Variants in AFAP1L1 observed in about 807,000 individuals in gnomAD.
AFAP1L1 encodes the protein actin filament-associated protein 1-like 1.
AFAP1L1 carries 77 observed loss-of-function variants against 99.8 expected under a neutral mutation model. The observed-to-expected ratio is 0.77, with a 90% confidence interval of 0.64 to 0.93. AFAP1L1 has a LOEUF of 0.93. Among genes scored for constraint, AFAP1L1 ranks in the 40% least tolerant of loss-of-function variants. The pLI is 0.00. For synonymous variants in AFAP1L1, 373 were observed against 395.3 expected (o/e 0.94, Z 0.67); for missense variants, 893 against 996.8 (o/e 0.90, Z 1.40).
chr5:149,291,377 C>T (rs1755848616), intron 1 of AFAP1L1, among the ~76,000 whole-genome samples: 1 of 151,490 alleles, frequency 6.6e-6, no homozygotes, highest in South Asian at 2.1e-4. Context: ...AAATACAAAA[C>T]TTAGTTGGGC....
Position 149,301,151 on chromosome 5 carries a change from T to A in AFAP1L1, c.248T>A (p.Leu83His), listed in dbSNP as rs1475004663. The A allele has an allele frequency of 1.2e-6, 2 of 1,613,892 alleles. No individual in the cohort carries two copies. The highest frequency in any genetic ancestry group is 2.7e-5 in the African/African-American group (2 of 74,916). ...FEEFDCDLSDLRDMPEDDGEP... is the reference protein window; with the variant it reads ...FEEFDCDLSDHRDMPEDDGEP... Reference sequence around the variant, plus strand: ...TCTGTAGACTGTGACCTGAGTGACCTTCGGGACATGCCAGAGGATGATGGG... The same window carrying A: ...TCTGTAGACTGTGACCTGAGTGACCATCGGGACATGCCAGAGGATGATGGG... The change falls in exon 4 of 19, where the codon CTT (leucine) becomes CAT (histidine). Residue 83 changes from leucine (L) to histidine (H), a missense_variant. Coordinates refer to ENST00000296721, the MANE Select transcript of AFAP1L1 (RefSeq NM_152406.4).
chr5:149,318,877 C>T (rs141571915), intron 12 of AFAP1L1, among the ~76,000 whole-genome samples: 1 of 152,218 alleles, frequency 6.6e-6, no homozygotes, highest in African/African-American at 2.4e-5. Flanking sequence ...GTCCTAGAAT[C>T]TGACCTCTTG....
At chr5:149,332,222 C>A (rs1372599906) in intron 16 of AFAP1L1, among the ~76,000 whole-genome samples, 4 of 152,164 alleles carry the variant, frequency 2.6e-5, no homozygotes, top group Non-Finnish European at 5.9e-5. Flanking sequence ...CATGGCAAAA[C>A]CCCATCTCTA....
Position 149,310,110 on chromosome 5 carries a change from G to T in AFAP1L1, c.902G>T (p.Arg301Leu). 2 of 1,609,566 alleles carry T rather than the reference G, an allele frequency of 1.2e-6. No individual in the cohort carries two copies. Among genetic ancestry groups the T allele is most frequent in the African/African-American group, 1.3e-5 (1 of 74,974 alleles). ...TEVLVLALQS[R>L]EQAEEWLKVI... ...GTCTTGGTGCTGGCACTGCAGAGCC[G>T]AGAGCAGGCCGAGGAGTGGCTGAAG... Residue 301 changes from arginine to leucine, a missense_variant, in exon 8 of 19, where the codon CGA (arginine) becomes CTA (leucine). By Grantham distance (102) the Arg-to-Leu change is moderately radical. Transcript: ENST00000296721.
At chr5:149,287,906 G>A (rs76471671) in intron 1 of AFAP1L1, among the ~76,000 whole-genome samples, 2 of 152,084 alleles carry the variant, frequency 1.3e-5, no homozygotes, top group Non-Finnish European at 2.9e-5. Context: ...TTTAAAAGAA[G>A]TAAAAGTGTA....
intron 1 of AFAP1L1, among the ~76,000 whole-genome samples, chr5:149,281,323 A>G (rs925973349): frequency 1.3e-5 from 2 of 152,062 alleles, no homozygotes; most frequent in African/African-American, 2.4e-5. Context: ...TCCCCATTGG[A>G]CAGATGCAAT....
intron 1 of AFAP1L1, among the ~76,000 whole-genome samples, chr5:149,289,260 G>A (rs1248000735): frequency 1.3e-5 from 2 of 152,144 alleles, no homozygotes; most frequent in African/African-American, 4.8e-5. Flanking sequence ...GAATGCTTTT[G>A]TGTTTCTATC....
intron 1 of AFAP1L1, among the ~76,000 whole-genome samples, chr5:149,292,820 A>C (rs1392362951): frequency 6.6e-6 from 1 of 152,242 alleles, no homozygotes; most frequent in Non-Finnish European, 1.5e-5. Flanking sequence ...GAGCAAAGAC[A>C]GGAGATGGGG....
At chr5:149,314,263 G>A (rs555843149) in intron 9 of AFAP1L1, among the ~76,000 whole-genome samples, 11 of 152,302 alleles carry the variant, frequency 7.2e-5, no homozygotes, top group African/African-American at 1.7e-4. Context: ...GGAAAGCAGC[G>A]TTGACAGTGT....
intron 17 of AFAP1L1, among the ~76,000 whole-genome samples, chr5:149,333,493 G>C (rs1757316163): frequency 6.6e-6 from 1 of 152,174 alleles, no homozygotes; most frequent in South Asian, 2.1e-4. Context: ...TGTCCTCAGG[G>C]CTCTGCATCC....
intron 1 of AFAP1L1, among the ~76,000 whole-genome samples, chr5:149,282,516 T>G (rs917839080): frequency 6.6e-5 from 10 of 152,176 alleles, no homozygotes; most frequent in African/African-American, 2.4e-4. Context: ...GGTTGAAGTA[T>G]TAGAGTGCAG....
intron 1 of AFAP1L1, among the ~76,000 whole-genome samples, chr5:149,291,202 G>A (rs1161888495): frequency 2.0e-5 from 3 of 152,094 alleles, no homozygotes; most frequent in Non-Finnish European, 4.4e-5. Context: ...GTTGAGAGGT[G>A]AGGAACAGAG....
At chr5:149,272,128 G>A in intron 1 of AFAP1L1, 144 bp downstream of exon 1, 1 of 915,776 alleles carries the variant, frequency 1.1e-6, no homozygotes, top group Non-Finnish European at 1.4e-6. Flanking sequence ...GGGAGACGCG[G>A]CGCTTATGCA....
At chr5:149,339,212 G>A (rs1486200699) in intron 18 of AFAP1L1, among the ~76,000 whole-genome samples, 1 of 126,026 alleles carries the variant, frequency 7.9e-6, no homozygotes, top group Non-Finnish European at 1.6e-5. Flanking sequence ...ACGGAGTCTC[G>A]CTCTGTCACC....
chr5:149,311,370 TG>T (rs2127597289), intron 8 of AFAP1L1, among the ~76,000 whole-genome samples: 1 of 152,346 alleles, frequency 6.6e-6, no homozygotes, highest in South Asian at 2.1e-4. Flanking sequence ...ACATTGATCC[TG>T]GGCGGCCGTT....
intron 15 of AFAP1L1, among the ~76,000 whole-genome samples, chr5:149,327,236 A>G (rs1757121553): frequency 6.6e-6 from 1 of 151,856 alleles, no homozygotes; most frequent in Non-Finnish European, 1.5e-5. Context: ...CAGTGTATTA[A>G]CAGATAGTCT....
chr5:149,331,790 G>A lies in AFAP1L1; in HGVS notation c.1976-905G>A, dbSNP rs11951656. ...GAGCGATCTGGTGTAGTGGGGTCCA[G>A]GGACTTAAATGATGTCACCAGGAAG... is the stretch of plus-strand genomic sequence containing the variant. On this transcript the variant is annotated intron_variant, in intron 16 of 18. Transcript: ENST00000296721. Among the ~76,000 whole-genome samples, 1,204 of 152,224 alleles carry A rather than the reference G, an allele frequency of 7.9e-3. 13 individuals carry two copies. The highest frequency in any genetic ancestry group is 0.028 in the African/African-American group (1,143 of 41,536).
At chr5:149,313,125 T>TAA (rs765623834) in intron 9 of AFAP1L1, among the ~76,000 whole-genome samples, 1 of 129,948 alleles carries the variant, frequency 7.7e-6, no homozygotes, top group Non-Finnish European at 1.6e-5. Context: ...AAGCTTCATT[T>TAA]AAAAAAAAAA....
At position 149,319,880 on chromosome 5, in the gene AFAP1L1, C is replaced by T. The variant is rs188821449; in HGVS notation, c.1625+153C>T. ...AAGCTGGAATGAGTGTCTTCCTCTT[C>T]CAGCAAAGAGTGGGGAGCTGGCTGA... On this transcript the variant is annotated intron_variant, in intron 13 of 18. Coordinates refer to ENST00000296721, the MANE Select transcript of AFAP1L1 (RefSeq NM_152406.4). Among the ~76,000 whole-genome samples the T allele has an allele frequency of 5.3e-5, 8 of 152,312 alleles. 1 individual carries two copies. The South Asian group carries it at 1.5e-3, about 28-fold the overall frequency.
Sources: gnomAD v4.1 joint callset for allele counts (sites outside exome capture counted in the v4.1 genomes callset) on GRCh38, gnomAD v4.1.1 for gene constraint, MANE v1.5 for transcripts, NCBI Gene and HGNC (gene_info 2026-07-23, HGNC 2026-07-21) for gene names.